Variants in SLC25A13 observed in about 807,000 individuals in gnomAD.
SLC25A13 encodes the protein solute carrier family 25 member 13, also known as electrogenic aspartate/glutamate antiporter SLC25A13, mitochondrial.
In SLC25A13, 70 loss-of-function variants were observed where a neutral mutation model predicts 85.5. That is an observed-to-expected ratio of 0.82 (90% CI 0.68 to 1.00). SLC25A13 has a LOEUF of 1.00. Ranked by LOEUF, SLC25A13 falls within the 50% of genes least tolerant of loss-of-function variation. The pLI is 0.00. For missense variants in SLC25A13, 765 were observed against 819.8 expected, an observed-to-expected ratio of 0.93 and a Z score of 0.82; for synonymous variants, 259 against 288.7, an observed-to-expected ratio of 0.90 and a Z score of 1.04.
intron 14 of SLC25A13, among the ~76,000 whole-genome samples, chr7:96,137,780 A>G (rs111363670): frequency 0.029 from 4,430 of 152,222 alleles, 161 homozygotes; most frequent in African/African-American, 0.083. Context: ...GTGCGCCACC[A>G]TGCCCAGCAA....
At chr7:96,208,757 G>T (rs542318844) in intron 5 of SLC25A13, 81 bp downstream of exon 5, 2 of 1,515,132 alleles carry the variant, frequency 1.3e-6, no homozygotes, top group Non-Finnish European at 1.8e-6. Flanking sequence ...CGCCCACCTC[G>T]GCCTCCCAAA....
chr7:96,281,003 A>G (rs773475889), intron 2 of SLC25A13, among the ~76,000 whole-genome samples: 9 of 152,210 alleles, frequency 5.9e-5, no homozygotes, highest in Non-Finnish European at 1.2e-4. Flanking sequence ...GTAGTATCCA[A>G]AAAACTAAAA....
At chr7:96,132,944 C>A (rs139081901) in intron 14 of SLC25A13, among the ~76,000 whole-genome samples, 2 of 152,268 alleles carry the variant, frequency 1.3e-5, no homozygotes, top group Non-Finnish European at 2.9e-5. Flanking sequence ...TTTCCTGACA[C>A]GCACATTTCA....
At chr7:96,152,384 C>CAATT (rs1472647691) in intron 13 of SLC25A13, among the ~76,000 whole-genome samples, 2 of 152,106 alleles carry the variant, frequency 1.3e-5, no homozygotes, top group East Asian at 3.9e-4. Context: ...GCAGGGATCA[C>CAATT]AATTAGGTTG....
At chr7:96,165,645 C>T (rs1793710424) in intron 13 of SLC25A13, among the ~76,000 whole-genome samples, 2 of 152,176 alleles carry the variant, frequency 1.3e-5, no homozygotes, top group Non-Finnish European at 2.9e-5. Flanking sequence ...CATTCAAAAA[C>T]AAACATTTAT....
At chr7:96,192,153 A>G (rs1584434717) in intron 6 of SLC25A13, among the ~76,000 whole-genome samples, 1 of 152,174 alleles carries the variant, frequency 6.6e-6, no homozygotes, top group Admixed American at 6.5e-5. Flanking sequence ...TTGGAATACC[A>G]TGTCTCTAGA....
At chr7:96,225,611 C>A (rs1796303160) in intron 4 of SLC25A13, among the ~76,000 whole-genome samples, 1 of 152,008 alleles carries the variant, frequency 6.6e-6, no homozygotes, top group African/African-American at 2.4e-5. Flanking sequence ...TGACTCCAGT[C>A]CAGGCCTCTG....
At chr7:96,280,565 A>G (rs1798636116) in intron 2 of SLC25A13, among the ~76,000 whole-genome samples, 1 of 152,132 alleles carries the variant, frequency 6.6e-6, no homozygotes, top group Non-Finnish European at 1.5e-5. Flanking sequence ...AAAATAAAAA[A>G]TTAACCAGGT....
At chr7:96,309,597 G>A (rs905690970) in intron 1 of SLC25A13, 1 of 152,184 alleles carries the variant, frequency 6.6e-6, no homozygotes, top group Admixed American at 6.5e-5. Flanking sequence ...CCAAGTAAAT[G>A]GACAATTCAA....
Position 96,306,857 on chromosome 7 carries a change from A to G in SLC25A13, c.16-9906T>C, listed in dbSNP as rs141388269. The G allele has an allele frequency of 9.1e-4, 1,234 of 1,362,266 alleles. 10 individuals are homozygous for G. The African/African-American group carries it at 0.015, about 16-fold the overall frequency. 84.4% of individuals were successfully genotyped at this position (1,362,266 alleles called of 1,614,324 possible). A position where few individuals can be genotyped will look rare whatever the true frequency, so the allele number is the denominator to read the frequency against. ...GAAGCAGAAAAAGGCAAACGAGAAG[A>G]AGGAGGAACCCAAGTAGCTTTGTGG... On this transcript the variant is annotated intron_variant, in intron 1 of 17. Coordinates refer to ENST00000265631, the MANE Select transcript of SLC25A13 (RefSeq NM_014251.3).
At chr7:96,161,791 C>A (rs1793517249) in intron 13 of SLC25A13, among the ~76,000 whole-genome samples, 1 of 152,178 alleles carries the variant, frequency 6.6e-6, no homozygotes, top group Non-Finnish European at 1.5e-5. Flanking sequence ...TCAAGAAAAT[C>A]TTTAATATGG....
chr7:96,238,867 C>T (rs1234245019), intron 3 of SLC25A13, among the ~76,000 whole-genome samples: 1 of 151,350 alleles, frequency 6.6e-6, no homozygotes, highest in East Asian at 1.9e-4. Context: ...TCACACTATG[C>T]GTTATCTAGA....
In SLC25A13 at chr7:96,121,226, C is replaced by A. The variant is rs1451754466; in HGVS notation, c.1993G>T (p.Val665Leu). 4 of 1,614,046 alleles carry A rather than the reference C, an allele frequency of 2.5e-6. No individual in the cohort carries two copies. Among genetic ancestry groups the A allele is most frequent in the African/African-American group, 2.7e-5 (2 of 74,920 alleles). Residue 665 changes from valine (V) to leucine (L), a missense_variant, in exon 18 of 18, where the codon GTA becomes TTA. Val to Leu is a conservative substitution (Grantham distance 32). Coordinates refer to ENST00000265631, the MANE Select transcript of SLC25A13 (RefSeq NM_014251.3). ...CCACCAATAGCCTTTGAGGTAGATA[C>A]TGATGGCTTGAAGAGAGGTAGGTAA... ...GLYLPLFKPSVSTSKAIGGGP is the reference protein window; with the variant it reads ...GLYLPLFKPSLSTSKAIGGGP
intron 2 of SLC25A13, among the ~76,000 whole-genome samples, chr7:96,294,169 C>G (rs1365424190): frequency 6.6e-6 from 1 of 151,690 alleles, no homozygotes; most frequent in African/African-American, 2.4e-5. Context: ...TCTCAGCAAA[C>G]TATCGCAAGA....
At chr7:96,138,527 C>G (rs1217999908) in intron 14 of SLC25A13, among the ~76,000 whole-genome samples, 1 of 151,850 alleles carries the variant, frequency 6.6e-6, no homozygotes, top group South Asian at 2.1e-4. Context: ...TCCCAAGTAG[C>G]TGGGACTACA....
chr7:96,254,159 G>A (rs1260714230), intron 3 of SLC25A13, among the ~76,000 whole-genome samples: 1 of 152,198 alleles, frequency 6.6e-6, no homozygotes, highest in Non-Finnish European at 1.5e-5. Flanking sequence ...GAGTGTGTCT[G>A]TATGGGTGTT....
chr7:96,309,802 A>C (rs761126581), intron 1 of SLC25A13: 3 of 152,218 alleles, frequency 2.0e-5, no homozygotes, highest in Admixed American at 6.5e-5. Flanking sequence ...TATGGGCTGA[A>C]CTGTGTCCCC....
chr7:96,223,168 A>C (rs1033480405), intron 4 of SLC25A13, among the ~76,000 whole-genome samples: 1 of 152,214 alleles, frequency 6.6e-6, no homozygotes, highest in African/African-American at 2.4e-5. Flanking sequence ...ATCCAGGCAA[A>C]GAGTTGAGAA....
In SLC25A13 at chr7:96,146,648, T is replaced by C. The variant is rs1470301449; in HGVS notation, c.1360A>G (p.Ile454Val). Reference sequence around the variant, plus strand: ...ATTTCTCCTGCCACTTGCAAACGGATCTTGACGATTTCTAAAGGATTTGTG... The same window carrying C: ...ATTTCTCCTGCCACTTGCAAACGGACCTTGACGATTTCTAAAGGATTTGTG... The part of the protein sequence containing the change: ...IFTNPLEIVK[I>V]RLQVAGEITT... Residue 454 changes from isoleucine to valine, a missense_variant, in exon 14 of 18, where the codon ATC (isoleucine) becomes GTC (valine). Ile to Val is a conservative substitution (Grantham distance 29). Coordinates refer to ENST00000265631, the MANE Select transcript of SLC25A13 (RefSeq NM_014251.3). 1 of 1,614,010 alleles carries C rather than the reference T, an allele frequency of 6.2e-7. No homozygotes were observed. The highest frequency in any genetic ancestry group is 1.1e-5 in the South Asian group (1 of 91,068).
Sources: allele counts gnomAD v4.1 joint callset (sites outside exome capture counted in the v4.1 genomes callset), GRCh38; gene constraint gnomAD v4.1.1; transcripts MANE v1.5; gene names NCBI Gene and HGNC (gene_info 2026-07-23, HGNC 2026-07-21).